The following EPB41L4B variants were observed in gnomAD, a reference collection of about 807,000 sequenced individuals.
EPB41L4B encodes the protein band 4.1-like protein 4B.
A neutral mutation model predicts 112.5 loss-of-function variants in EPB41L4B; 30 were observed. The ratio of observed to expected loss-of-function variants is 0.27; its 90% CI spans 0.20 to 0.36. The LOEUF (loss-of-function observed/expected upper bound fraction) is 0.36. Among genes scored for constraint, EPB41L4B ranks in the 10% least tolerant of loss-of-function variants. The pLI, the probability that EPB41L4B is intolerant of heterozygous loss-of-function variation, is 1.00. For missense variants in EPB41L4B, 1,024 were observed against 1,133.3 expected (o/e 0.90, Z 1.38); for synonymous variants, 408 against 439.7 (o/e 0.93, Z 0.90).
At chr9:109,272,849 T>G (rs1010193187) in intron 2 of EPB41L4B, among the ~76,000 whole-genome samples, 13 of 152,196 alleles carry the variant, frequency 8.5e-5, no homozygotes, top group Non-Finnish European at 1.9e-4. Context: ...AGGAAGGGGA[T>G]GAATGCCTTT....
intron 15 of EPB41L4B, chr9:109,239,937 A>G: frequency 4.1e-6 from 4 of 985,442 alleles, no homozygotes; most frequent in Non-Finnish European, 4.8e-6. Flanking sequence ...AACCTTCACC[A>G]GAGTTGCCCC....
chr9:109,184,758 A>C (rs1205304208), intron 23 of EPB41L4B, among the ~76,000 whole-genome samples: 1 of 152,248 alleles, frequency 6.6e-6, no homozygotes, highest in East Asian at 1.9e-4. Flanking sequence ...GCCTAAGAAA[A>C]TAAAATTCCT....
intron 1 of EPB41L4B, among the ~76,000 whole-genome samples, chr9:109,309,916 A>G (rs1837352728): frequency 6.6e-6 from 1 of 152,230 alleles, no homozygotes; most frequent in Non-Finnish European, 1.5e-5. Context: ...GTGTTGGAGA[A>G]GAATGGATTA....
intron 6 of EPB41L4B, among the ~76,000 whole-genome samples, chr9:109,258,872 G>A (rs1175636373): frequency 6.6e-6 from 1 of 152,174 alleles, no homozygotes; most frequent in East Asian, 1.9e-4. Context: ...GGAGACAGCT[G>A]TGCAGAAAGG....
intron 22 of EPB41L4B, among the ~76,000 whole-genome samples, chr9:109,190,590 C>A (rs1832426421): frequency 6.6e-6 from 1 of 152,238 alleles, no homozygotes; most frequent in African/African-American, 2.4e-5. Flanking sequence ...ACAGCCCAGA[C>A]TGAGACCAGG....
chr9:109,176,040 T>TCA (rs762279356), intron 25 of EPB41L4B, among the ~76,000 whole-genome samples: 446 of 43,458 alleles, frequency 0.01, 3 homozygotes, highest in East Asian at 0.025. Flanking sequence ...CTTGTCAATA[T>TCA]CACACACACG....
At chr9:109,300,325 T>C (rs1474270405) in intron 1 of EPB41L4B, 1 of 152,176 alleles carries the variant, frequency 6.6e-6, no homozygotes, top group South Asian at 2.1e-4. Context: ...TCCATCTCAG[T>C]GGGAGTTTGA....
At chr9:109,264,859 C>G in intron 5 of EPB41L4B, 121 bp downstream of exon 5, 1 of 743,756 alleles carries the variant, frequency 1.3e-6, no homozygotes, top group African/African-American at 1.8e-5. Flanking sequence ...CTTTACAATG[C>G]CTGGTGCACT....
chr9:109,263,695 T>C (rs1835297682), intron 5 of EPB41L4B, among the ~76,000 whole-genome samples: 1 of 152,250 alleles, frequency 6.6e-6, no homozygotes, highest in Non-Finnish European at 1.5e-5. Context: ...TAGCACTTCA[T>C]AGTTTTCAAA....
chr9:109,200,284 G>A lies in EPB41L4B; in HGVS notation c.1997C>T (p.Pro666Leu). Residue 666 changes from proline (P) to leucine (L), a missense_variant, in exon 20 of 26, where the codon CCG (proline) becomes CTG (leucine). Coordinates refer to ENST00000374566, the MANE Select transcript of EPB41L4B (RefSeq NM_019114.5). The stretch of plus-strand genomic sequence containing the variant: ...CCTCACTCGGGGAGGCTTGATTTCC[G>A]GCTTTTCCACAGCTGGCTGGGCAGT... ...VETAQPAVEK[P>L]EIKPPRVRKL... 1.2e-6 allele frequency: 2 copies of A among 1,614,002 alleles called. No individual in the cohort carries two copies. Among genetic ancestry groups the A allele is most frequent in the Non-Finnish European group, 1.7e-6 (2 of 1,180,004 alleles).
intron 1 of EPB41L4B, among the ~76,000 whole-genome samples, chr9:109,304,592 T>G (rs189281131): frequency 1.3e-5 from 2 of 152,182 alleles, no homozygotes; most frequent in African/African-American, 4.8e-5. Context: ...CCAAGAGTAC[T>G]TAGGCACTGT....
intron 17 of EPB41L4B, among the ~76,000 whole-genome samples, chr9:109,213,335 G>T (rs537783844): frequency 8.9e-4 from 136 of 152,242 alleles, no homozygotes; most frequent in African/African-American, 3.2e-3. Context: ...TCTGCAAATG[G>T]TTACTGAACA....
chr9:109,317,350 T>C (rs1415922509), intron 1 of EPB41L4B, among the ~76,000 whole-genome samples: 1 of 152,212 alleles, frequency 6.6e-6, no homozygotes, highest in Non-Finnish European at 1.5e-5. Flanking sequence ...CCTGTCTGGG[T>C]GTGCCAGTCA....
At chr9:109,303,515 T>TTTTTTG (rs1375551118) in intron 1 of EPB41L4B, among the ~76,000 whole-genome samples, 3 of 152,040 alleles carry the variant, frequency 2.0e-5, no homozygotes, top group East Asian at 1.9e-4. Flanking sequence ...CTGGCTGGTT[T>TTTTTTG]TTTTTGTTTT....
intron 22 of EPB41L4B, among the ~76,000 whole-genome samples, chr9:109,188,501 T>G (rs907495128): frequency 6.6e-6 from 1 of 152,206 alleles, no homozygotes; most frequent in Non-Finnish European, 1.5e-5. Flanking sequence ...GAGGCCTAGA[T>G]GTATCAGTGA....
intron 22 of EPB41L4B, 34 bp downstream of exon 22, chr9:109,192,244 G>C (rs777872256): frequency 5.1e-6 from 8 of 1,561,120 alleles, no homozygotes; most frequent in Non-Finnish European, 7.0e-6. Flanking sequence ...TATGGTCTGT[G>C]ACTTTTCTGG....
chr9:109,309,755 C>CAGAG (rs34950010), intron 1 of EPB41L4B, among the ~76,000 whole-genome samples: 2,032 of 142,202 alleles, frequency 0.014, 30 homozygotes, highest in East Asian at 0.045. Context: ...AATACACACA[C>CAGAG]AGAGAGAGAG....
intron 15 of EPB41L4B, among the ~76,000 whole-genome samples, chr9:109,217,747 A>AT (rs1367964161): frequency 6.6e-6 from 1 of 151,758 alleles, no homozygotes; most frequent in Non-Finnish European, 1.5e-5. Context: ...AATTTTTAAA[A>AT]TTTTTTGTAG....
chr9:109,279,999 T>G lies in EPB41L4B; in HGVS notation c.307-78A>C, dbSNP rs1835975657. ...AAAAAAAAGGTTAAAAAAAACCTAC[T>G]TCTCTTTGTAAATTGCATACATGTC... is the stretch of plus-strand genomic sequence containing the variant. On this transcript the variant is annotated intron_variant, in intron 1 of 25. Coordinates refer to ENST00000374566, the MANE Select transcript of EPB41L4B (RefSeq NM_019114.5). 3 of 1,104,384 alleles carry G rather than the reference T, an allele frequency of 2.7e-6. No homozygotes were observed. In the South Asian group the frequency reaches 4.4e-5, roughly 16 times the overall value. 68.4% of individuals were successfully genotyped at this position (1,104,384 alleles called of 1,614,324 possible).
Sources: gnomAD v4.1 joint callset for allele counts (sites outside exome capture counted in the v4.1 genomes callset) on GRCh38, gnomAD v4.1.1 for gene constraint, MANE v1.5 for transcripts, NCBI Gene and HGNC (gene_info 2026-07-23, HGNC 2026-07-21) for gene names.